RMP64: variants seen among roughly 807,000 people sequenced by gnomAD.
The protein encoded by RMP64 is nucleolus and neural progenitor protein.
At chr3:113,019,625 C>A in the RMP64 span, 186 of 1,613,440 alleles carry the variant, frequency 1.2e-4, no homozygotes, top group Non-Finnish European at 3.6e-5. Context: ...CGGCTCCAGG[C>A]CCGGCGGCAC....
At chr3:113,009,869 G>A in the RMP64 span, among the ~76,000 whole-genome samples, 3 of 151,868 alleles carry the variant, frequency 2.0e-5, no homozygotes, top group South Asian at 2.1e-4. Context: ...ATGGAAGCTG[G>A]AGTCCTTAAG....
chr3:113,012,815 G>T, the RMP64 span: 1 of 1,570,750 alleles, frequency 6.4e-7, no homozygotes, highest in Non-Finnish European at 8.8e-7. Context: ...AGTCAAACTG[G>T]AAAATCAATT....
At chr3:113,014,137 A>G in the RMP64 span, 4 of 722,700 alleles carry the variant, frequency 5.5e-6, no homozygotes, top group South Asian at 1.7e-5. Context: ...GTATGGAAAT[A>G]TGCTAAATAT....
At chr3:113,012,597 A>T in the RMP64 span, 1 of 531,008 alleles carries the variant, frequency 1.9e-6, no homozygotes. Context: ...CCCTCAAAAA[A>T]CTCTGATCAA....
chr3:113,010,902 T>C, the RMP64 span: 2 of 862,536 alleles, frequency 2.3e-6, no homozygotes, highest in South Asian at 3.6e-5. Flanking sequence ...GGTATTACCA[T>C]ACCTCTCTAA....
chr3:113,013,055 A>G, the RMP64 span: 8 of 625,446 alleles, frequency 1.3e-5, no homozygotes, highest in South Asian at 6.2e-5. Context: ...CTAGCTATCA[A>G]TGCTCTTAGG....
At chr3:113,003,629 G>C in the RMP64 span, 1 of 152,162 alleles carries the variant, frequency 6.6e-6, no homozygotes, top group African/African-American at 2.4e-5. Flanking sequence ...GAACATGAAT[G>C]AATTTGGAAA....
chr3:113,002,560 TGAAG>T, the RMP64 span: 2 of 152,252 alleles, frequency 1.3e-5, no homozygotes, highest in Non-Finnish European at 2.9e-5. Context: ...AGGGGGTACA[TGAAG>T]GAACATGTGA....
At chr3:113,013,451 GTTTTTTTT>G in the RMP64 span, 3 of 1,260,878 alleles carry the variant, frequency 2.4e-6, no homozygotes, top group African/African-American at 3.7e-5. Flanking sequence ...AAAAAAAAGG[GTTTTTTTT>G]TTGTTTTTTT....
the RMP64 span, among the ~76,000 whole-genome samples, chr3:113,007,008 G>T: frequency 1.3e-5 from 2 of 152,102 alleles, no homozygotes; most frequent in South Asian, 4.2e-4. Flanking sequence ...CTATATCTGG[G>T]GGAGTACTGA....
chr3:113,005,691 G>A, the RMP64 span: 2 of 1,613,892 alleles, frequency 1.2e-6, no homozygotes, highest in Non-Finnish European at 1.7e-6. Context: ...TCCTTAGTTT[G>A]TATGACAGGC....
At chr3:113,013,896 A>G in the RMP64 span, 2 of 1,143,990 alleles carry the variant, frequency 1.7e-6, no homozygotes, top group Admixed American at 3.4e-5. Flanking sequence ...AAGGGAGATC[A>G]CAAGACATTG....
the RMP64 span, chr3:113,019,660 G>GA: frequency 6.2e-7 from 1 of 1,608,506 alleles, no homozygotes; most frequent in Non-Finnish European, 8.5e-7. Context: ...GAGGCGGGGG[G>GA]ACTTACGAAA....
chr3:113,002,991 A>C, the RMP64 span: 2 of 152,294 alleles, frequency 1.3e-5, no homozygotes, highest in Non-Finnish European at 2.9e-5. Context: ...AGAGGATTGG[A>C]AGTGACACAC....
chr3:113,013,611 G>A, the RMP64 span, among the ~76,000 whole-genome samples: 1 of 152,062 alleles, frequency 6.6e-6, no homozygotes, highest in Non-Finnish European at 1.5e-5. Flanking sequence ...CTATGTGCAA[G>A]CTCCCATTAC....
At chr3:113,012,045 T>C in the RMP64 span, among the ~76,000 whole-genome samples, 1 of 152,220 alleles carries the variant, frequency 6.6e-6, no homozygotes, top group Admixed American at 6.5e-5. Context: ...CTTAATTGTT[T>C]GAAATGGCCC....
At chr3:113,007,003 T>C in the RMP64 span, among the ~76,000 whole-genome samples, 4 of 152,186 alleles carry the variant, frequency 2.6e-5, no homozygotes, top group Non-Finnish European at 5.9e-5. Context: ...GAGCACTATA[T>C]CTGGGGGAGT....
At chr3:113,008,314 A>C in the RMP64 span, 1 of 1,614,164 alleles carries the variant, frequency 6.2e-7, no homozygotes, top group Non-Finnish European at 8.5e-7. Context: ...TGAAGGACTC[A>C]GCCTCTCGGA....
At chr3:113,005,076 T>C in the RMP64 span, 5 of 168,786 alleles carry the variant, frequency 3.0e-5, no homozygotes, top group Admixed American at 5.5e-5. Flanking sequence ...CTACAAACTT[T>C]AGTATTCAGA....
Sources: gnomAD v4.1 joint callset for allele counts (sites outside exome capture counted in the v4.1 genomes callset) on GRCh38, gnomAD v4.1.1 for gene constraint, MANE v1.5 for transcripts, NCBI Gene and HGNC (gene_info 2026-07-23, HGNC 2026-07-21) for gene names.